EYS: variants seen among roughly 807,000 people sequenced by gnomAD.
The protein encoded by EYS is protein eyes shut homolog.
In EYS, 250 loss-of-function variants were observed where a neutral mutation model predicts 282.1. That is an observed-to-expected ratio of 0.89 (90% confidence interval 0.80 to 0.98). The LOEUF is 0.98. Ranked by LOEUF, EYS falls within the 50% of genes least tolerant of loss-of-function variation. The pLI, the probability that EYS is intolerant of heterozygous loss-of-function variation, is 0.00. For missense variants in EYS, 4,016 were observed against 3,709.0 expected (o/e 1.08, Z -2.15); for synonymous variants, 1,355 against 1,282.9 (o/e 1.06, Z -1.20).
chr6:64,889,680 T>G (rs142228510), intron 18 of EYS, among the ~76,000 whole-genome samples: 9,172 of 152,122 alleles, frequency 0.06, 298 homozygotes, highest in East Asian at 0.17. Context: ...CACTTATCAC[T>G]TCCCCAGTCA....
At chr6:64,002,164 G>T (rs1472221095) in intron 33 of EYS, among the ~76,000 whole-genome samples, 2 of 152,202 alleles carry the variant, frequency 1.3e-5, no homozygotes, top group East Asian at 3.9e-4. Context: ...TGGATGCCAA[G>T]GGGAGTTTGG....
intron 1 of EYS, among the ~76,000 whole-genome samples, chr6:65,660,017 T>C (rs967590699): frequency 5.9e-5 from 9 of 151,684 alleles, no homozygotes; most frequent in African/African-American, 9.7e-5. Flanking sequence ...TCTACTATAG[T>C]TGGGGACAGG....
rs574720349 is a variant in EYS at position 65,587,591 on chromosome 6, C to T, written c.-333+52187G>A. ...CCTGCAGATCTGTGAGTCAATTAAA[C>T]TGCCTTCCTTTATAAATACTCAGTC... On this transcript the variant is annotated intron_variant, in intron 2 of 42. Transcript: ENST00000503581. Among the ~76,000 whole-genome samples, 8 of 152,204 alleles carry T rather than the reference C, an allele frequency of 5.3e-5. 1 individual carries two copies. The highest frequency in any genetic ancestry group is 1.9e-4 in the African/African-American group (8 of 41,554).
intron 28 of EYS, among the ~76,000 whole-genome samples, chr6:64,426,116 C>T (rs1402530026): frequency 6.6e-6 from 1 of 151,572 alleles, no homozygotes; most frequent in African/African-American, 2.4e-5. Flanking sequence ...CTTTTTGAAG[C>T]AGACATAGAA....
chr6:64,999,786 G>A (rs1326911456), intron 13 of EYS, among the ~76,000 whole-genome samples: 1 of 152,152 alleles, frequency 6.6e-6, no homozygotes, highest in Non-Finnish European at 1.5e-5. Context: ...GCACGCTGGA[G>A]CTCCAGAACA....
At chr6:64,443,446 T>C (rs1775016628) in intron 26 of EYS, among the ~76,000 whole-genome samples, 1 of 152,150 alleles carries the variant, frequency 6.6e-6, no homozygotes, top group Admixed American at 6.5e-5. Context: ...TGGGGAACTA[T>C]TGGGAAGGCA....
chr6:65,619,169 T>C (rs1227787818), intron 2 of EYS, among the ~76,000 whole-genome samples: 1 of 151,866 alleles, frequency 6.6e-6, no homozygotes, highest in Non-Finnish European at 1.5e-5. Context: ...ACGATATTGA[T>C]TCTTCCTACC....
At chr6:64,319,602 C>A (rs1421461214) in intron 29 of EYS, among the ~76,000 whole-genome samples, 2 of 151,636 alleles carry the variant, frequency 1.3e-5, no homozygotes, top group East Asian at 3.9e-4. Context: ...TTAGGCTAAA[C>A]CTTTTATGAG....
intron 33 of EYS, among the ~76,000 whole-genome samples, chr6:64,063,781 G>A (rs1419106061): frequency 1.3e-5 from 2 of 152,166 alleles, no homozygotes; most frequent in African/African-American, 4.8e-5. Context: ...AGGCTGGAGT[G>A]CAGTGGCAGG....
intron 42 of EYS, among the ~76,000 whole-genome samples, chr6:63,723,136 G>T (rs937228393): frequency 1.3e-5 from 2 of 152,130 alleles, no homozygotes; most frequent in African/African-American, 4.8e-5. Context: ...TCAAATAATA[G>T]TTTTAGCTTG....
chr6:63,788,132 C>T lies in EYS; in HGVS notation c.7696G>A (p.Gly2566Arg). ...TGAAAACCATTTTTAAAATCTGCTC[C>T]ATTTGGTAAGAGATCTGGAGTGTAT... ...SEYTPDLLPN[G>R]ADFKNGFQGC... is the part of the protein sequence containing the mutation. The change falls in exon 39 of 43, where the codon GGA becomes AGA. Residue 2566 changes from glycine (G) to arginine (R), a missense_variant. Coordinates refer to ENST00000503581, the MANE Select transcript of EYS (RefSeq NM_001142800.2). 1 of 1,542,610 alleles carries T rather than the reference C, an allele frequency of 6.5e-7. No homozygotes were observed. The highest frequency in any genetic ancestry group is 8.7e-7 in the Non-Finnish European group (1 of 1,144,426).
intron 35 of EYS, among the ~76,000 whole-genome samples, chr6:63,930,170 T>C (rs532092214): frequency 6.6e-6 from 1 of 152,188 alleles, no homozygotes; most frequent in Non-Finnish European, 1.5e-5. Flanking sequence ...GATGGATGTA[T>C]TACTTAGCCT....
At chr6:64,386,791 C>A (rs1183817460) in intron 29 of EYS, among the ~76,000 whole-genome samples, 2 of 152,064 alleles carry the variant, frequency 1.3e-5, no homozygotes, top group African/African-American at 2.4e-5. Flanking sequence ...TATTCTCCCA[C>A]CCTTATTGCC....
chr6:64,037,290 T>C (rs994796564), intron 33 of EYS, among the ~76,000 whole-genome samples: 1 of 152,170 alleles, frequency 6.6e-6, no homozygotes, highest in African/African-American at 2.4e-5. Flanking sequence ...CATTAACACT[T>C]CAGTACACTT....
chr6:65,671,569 G>A (rs1235261878), intron 1 of EYS, among the ~76,000 whole-genome samples: 1 of 152,086 alleles, frequency 6.6e-6, no homozygotes, highest in African/African-American at 2.4e-5. Flanking sequence ...TTGTTGCAGG[G>A]TGAAGTAAGG....
intron 21 of EYS, among the ~76,000 whole-genome samples, chr6:64,818,875 G>A (rs1764818527): frequency 6.6e-6 from 1 of 152,000 alleles, no homozygotes; most frequent in Non-Finnish European, 1.5e-5. Flanking sequence ...ACACACCCAG[G>A]AATAATATTT....
At chr6:64,163,595 C>T (rs1008605962) in intron 31 of EYS, among the ~76,000 whole-genome samples, 4 of 151,874 alleles carry the variant, frequency 2.6e-5, no homozygotes, top group Non-Finnish European at 5.9e-5. Context: ...AAAAAAATAA[C>T]CGTTTAGCTA....
chr6:64,891,281 C>T (rs761764470), intron 18 of EYS, among the ~76,000 whole-genome samples: 27 of 151,964 alleles, frequency 1.8e-4, no homozygotes, highest in African/African-American at 2.4e-4. Flanking sequence ...CAAATTTGTG[C>T]GAAAATAACA....
chr6:64,339,196 C>A (rs1035720790), intron 29 of EYS, among the ~76,000 whole-genome samples: 56 of 151,800 alleles, frequency 3.7e-4, no homozygotes, highest in African/African-American at 1.3e-3. Context: ...AACAGACAAC[C>A]CACAGAGTGG....
Sources: allele counts gnomAD v4.1 joint callset (sites outside exome capture counted in the v4.1 genomes callset), GRCh38; gene constraint gnomAD v4.1.1; transcripts MANE v1.5; gene names NCBI Gene and HGNC (gene_info 2026-07-23, HGNC 2026-07-21).